NKAIN2: variants seen among roughly 807,000 people sequenced by gnomAD.
The protein encoded by NKAIN2 is sodium/potassium-transporting ATPase subunit beta-1-interacting protein 2.
NKAIN2 carries 14 observed loss-of-function variants against 32.6 expected under a neutral mutation model. The ratio of observed to expected loss-of-function variants is 0.43; its 90% CI spans 0.28 to 0.67. The LOEUF is 0.67. Ranked by LOEUF, NKAIN2 falls within the 30% of genes least tolerant of loss-of-function variation. NKAIN2 has a pLI of 0.17. For missense variants in NKAIN2, 198 were observed against 258.3 expected (o/e 0.77, Z 1.60); for synonymous variants, 80 against 87.2 (o/e 0.92, Z 0.46).
chr6:124,153,458 A>T (rs1787831685), intron 1 of NKAIN2, among the ~76,000 whole-genome samples: 1 of 151,892 alleles, frequency 6.6e-6, no homozygotes, highest in East Asian at 1.9e-4. Context: ...AACTTGAGGG[A>T]TAATTAACTT....
intron 1 of NKAIN2, among the ~76,000 whole-genome samples, chr6:123,980,468 T>C (rs946321601): frequency 6.6e-6 from 1 of 152,190 alleles, no homozygotes; most frequent in African/African-American, 2.4e-5. Context: ...GTTAGTGAGG[T>C]AGAGGTTTAA....
chr6:123,827,092 A>G (rs376839776), intron 1 of NKAIN2, among the ~76,000 whole-genome samples: 1 of 152,074 alleles, frequency 6.6e-6, no homozygotes, highest in African/African-American at 2.4e-5. Flanking sequence ...CCTAATGTTT[A>G]GCGATGTTGA....
At chr6:124,397,395 A>G (rs1773427625) in intron 3 of NKAIN2, among the ~76,000 whole-genome samples, 1 of 152,166 alleles carries the variant, frequency 6.6e-6, no homozygotes, top group Non-Finnish European at 1.5e-5. Flanking sequence ...AAGAACAACG[A>G]TAATATAATT....
intron 2 of NKAIN2, among the ~76,000 whole-genome samples, chr6:124,313,338 T>C (rs1377685074): frequency 1.3e-5 from 2 of 152,168 alleles, no homozygotes; most frequent in East Asian, 3.9e-4. Context: ...AATCATTGCC[T>C]TCGTGCTGTG....
chr6:124,656,198 G>A lies in NKAIN2; in HGVS notation c.274-1988G>A, dbSNP rs188748622. On this transcript the variant is annotated intron_variant, in intron 3 of 6. Transcript: ENST00000368417. Reference sequence around the variant, plus strand: ...TGGACCTGATTCTTCTGCTACCATTGGATAAAATAAATAGCAGATCTCCTA... The same window carrying A: ...TGGACCTGATTCTTCTGCTACCATTAGATAAAATAAATAGCAGATCTCCTA... Among the ~76,000 whole-genome samples the A allele has an allele frequency of 6.6e-5, 10 of 152,184 alleles. No homozygotes were observed. In the East Asian group the frequency reaches 1.9e-3, roughly 29 times the overall value.
At chr6:124,595,331 G>T (rs1386418104) in intron 3 of NKAIN2, among the ~76,000 whole-genome samples, 1 of 152,126 alleles carries the variant, frequency 6.6e-6, no homozygotes, top group South Asian at 2.1e-4. Context: ...CTTCAACACT[G>T]CTTCAAAGTG....
At chr6:124,067,754 A>T (rs567469396) in intron 1 of NKAIN2, among the ~76,000 whole-genome samples, 2 of 152,288 alleles carry the variant, frequency 1.3e-5, no homozygotes, top group East Asian at 3.9e-4. Context: ...TTTTGTCTTG[A>T]ACGTACAAAT....
At chr6:124,126,372 G>T (rs949718986) in intron 1 of NKAIN2, among the ~76,000 whole-genome samples, 3 of 151,934 alleles carry the variant, frequency 2.0e-5, no homozygotes, top group African/African-American at 7.3e-5. Flanking sequence ...TCAAATCTCT[G>T]CCATCTCTTC....
chr6:124,209,334 G>T (rs1481054571), intron 1 of NKAIN2, among the ~76,000 whole-genome samples: 1 of 151,696 alleles, frequency 6.6e-6, no homozygotes, highest in Non-Finnish European at 1.5e-5. Flanking sequence ...ATATTTCATT[G>T]TATATACTTA....
intron 1 of NKAIN2, among the ~76,000 whole-genome samples, chr6:124,215,521 G>A (rs888339923): frequency 6.6e-6 from 1 of 152,092 alleles, no homozygotes; most frequent in Admixed American, 6.5e-5. Context: ...ATAGGGAAAA[G>A]CAGGAATAAA....
intron 4 of NKAIN2, among the ~76,000 whole-genome samples, chr6:124,754,229 A>G (rs570744031): frequency 1.3e-5 from 2 of 152,234 alleles, no homozygotes; most frequent in Admixed American, 1.3e-4. Flanking sequence ...GGATGTAAAC[A>G]TAGTTTATGT....
intron 1 of NKAIN2, among the ~76,000 whole-genome samples, chr6:123,996,091 A>G (rs577932791): frequency 1.3e-5 from 2 of 152,224 alleles, no homozygotes; most frequent in African/African-American, 4.8e-5. Context: ...CATTTAACAC[A>G]AAGGAAGGGT....
intron 3 of NKAIN2, among the ~76,000 whole-genome samples, chr6:124,377,794 GACCC>G (rs1800056069): frequency 6.6e-6 from 1 of 152,134 alleles, no homozygotes; most frequent in African/African-American, 2.4e-5. Flanking sequence ...TAACTAGAGT[GACCC>G]TCTTCATAAT....
chr6:124,062,976 C>T (rs543965494), intron 1 of NKAIN2, among the ~76,000 whole-genome samples: 9 of 152,090 alleles, frequency 5.9e-5, no homozygotes, highest in South Asian at 2.1e-4. Flanking sequence ...GGGTGGATCA[C>T]GAGGTCAGGA....
rs182750003 is a variant in NKAIN2 at position 124,677,253 on chromosome 6, G to A, written c.474+18867G>A. On this transcript the variant is annotated intron_variant, in intron 4 of 6. Coordinates refer to ENST00000368417, the MANE Select transcript of NKAIN2 (RefSeq NM_001040214.3). ...CAAAGTGCTGGGATTACAGGCGTGA[G>A]CCACCGGGTCTGGCCAGATCTTGTG... 3.8e-3 allele frequency among the ~76,000 whole-genome samples: 577 copies of A among 152,340 alleles called. 3 individuals carry two copies. The highest frequency in any genetic ancestry group is 0.014 in the Middle Eastern group (4 of 292).
chr6:124,556,721 C>G (rs1221047535), intron 3 of NKAIN2, among the ~76,000 whole-genome samples: 1 of 152,120 alleles, frequency 6.6e-6, no homozygotes, highest in African/African-American at 2.4e-5. Flanking sequence ...CCCCACAAAA[C>G]TGTATGAGTT....
intron 1 of NKAIN2, among the ~76,000 whole-genome samples, chr6:123,920,927 G>C (rs1167924594): frequency 6.6e-6 from 1 of 152,190 alleles, no homozygotes; most frequent in South Asian, 2.1e-4. Flanking sequence ...TAAGGATGTT[G>C]TTTGTAATCT....
At chr6:123,900,456 AG>A (rs1171853472) in intron 1 of NKAIN2, among the ~76,000 whole-genome samples, 22 of 148,794 alleles carry the variant, frequency 1.5e-4, no homozygotes, top group Middle Eastern at 3.4e-3. Context: ...CTGGTGACAG[AG>A]CGAGACTCTG....
rs1376761822 is a variant in NKAIN2 at position 124,223,103 on chromosome 6, C to T, written c.55-59902C>T. Among the ~76,000 whole-genome samples the T allele has an allele frequency of 2.0e-5, 3 of 150,860 alleles. No homozygotes were observed. The Admixed American group carries it at 2.0e-4, about 10-fold the overall frequency. ...TGGCGGGCACCTGTAATCCCAGCTA[C>T]TTGGGAGGCTGAGGCAGGAGAATCA... On this transcript the variant is annotated intron_variant, in intron 1 of 6. Coordinates refer to ENST00000368417, the MANE Select transcript of NKAIN2 (RefSeq NM_001040214.3).
Sources: gnomAD v4.1 joint callset for allele counts (sites outside exome capture counted in the v4.1 genomes callset) on GRCh38, gnomAD v4.1.1 for gene constraint, MANE v1.5 for transcripts, NCBI Gene and HGNC (gene_info 2026-07-23, HGNC 2026-07-21) for gene names.